The following EPAS1 variants were observed in gnomAD, a reference collection of about 807,000 sequenced individuals.
EPAS1 encodes the protein endothelial PAS domain protein 1.
EPAS1 carries 23 observed loss-of-function variants against 87.9 expected under a neutral mutation model. The ratio of observed to expected loss-of-function variants is 0.26; its 90% CI spans 0.19 to 0.37. EPAS1 has a LOEUF of 0.37. Among genes scored for constraint, EPAS1 ranks in the 10% least tolerant of loss-of-function variants. EPAS1 has a pLI of 1.00. For synonymous variants in EPAS1, 508 were observed against 444.3 expected (o/e 1.14, Z -1.80); for missense variants, 1,138 against 1,120.7 (o/e 1.02, Z -0.22).
rs57893491 is a variant in EPAS1 at position 46,332,291 on chromosome 2, CGTGTGTGTGTGTGT to C, written c.27-14553_27-14540del. Among the ~76,000 whole-genome samples, 513 of 110,814 alleles carry C rather than the reference CGTGTGTGTGTGTGT, an allele frequency of 4.6e-3. 3 individuals carry two copies. The highest frequency in any genetic ancestry group is 0.014 in the African/African-American group (453 of 33,292). 72.7% of individuals were successfully genotyped at this position (110,814 alleles called of 152,430 possible). A position where few individuals can be genotyped will look rare whatever the true frequency, so the allele number is the denominator to read the frequency against. On this transcript the variant is annotated intron_variant, in intron 1 of 15. Coordinates refer to ENST00000263734, the MANE Select transcript of EPAS1 (RefSeq NM_001430.5). ...TTTCACAGAAAAAAAAAAAAAAATA[CGTGTGTGTGTGTGT>C]GTGTGTGTGTGTGTGTGTGTGTGTG...
At chr2:46,308,911 G>A (rs1320625340) in intron 1 of EPAS1, among the ~76,000 whole-genome samples, 1 of 152,228 alleles carries the variant, frequency 6.6e-6, no homozygotes, top group Non-Finnish European at 1.5e-5. Flanking sequence ...ATGGTCTTCA[G>A]TCTGTATTTT....
intron 6 of EPAS1, among the ~76,000 whole-genome samples, chr2:46,362,996 G>A (rs1158792966): frequency 7.0e-6 from 1 of 142,922 alleles, no homozygotes; most frequent in Non-Finnish European, 1.5e-5. Flanking sequence ...GGTGGTGGTG[G>A]TGGTGGTGGT....
In EPAS1 at chr2:46,371,663, A is replaced by AG. The variant is rs1383081243; in HGVS notation, c.886+1734dup. ...ATTCCTTCATGCTTCCTGGTCCCTG[A>AG]GGGGTTCCTGTTTTCAAAGGCAGGT... On this transcript the variant is annotated intron_variant, in intron 7 of 15. Transcript: ENST00000263734. The surrounding 1 kb of genome is among the most constrained non-coding windows in gnomAD (Gnocchi z 4.3). 6.6e-6 allele frequency among the ~76,000 whole-genome samples: 1 copy of AG among 152,048 alleles called. No homozygotes were observed. The highest frequency in any genetic ancestry group is 1.9e-4 in the East Asian group (1 of 5,182).
Position 46,378,744 on chromosome 2 carries a change from G to A in EPAS1, c.1531G>A (p.Ala511Thr). The change falls in exon 11 of 16, where the codon GCC becomes ACC. Residue 511 changes from alanine to threonine, a missense_variant. Around this residue, in one of 4 missense-constraint regions of EPAS1, gnomAD observed 284 missense variants for 258.4 expected, o/e 1.10. Coordinates refer to ENST00000263734, the MANE Select transcript of EPAS1 (RefSeq NM_001430.5). ...GAAGCTCTTCGCCATGGACACAGAG[G>A]CCAAGGACCAATGCAGTACCCAGGT... ...IEKLFAMDTE[A>T]KDQCSTQTDF... The A allele has an allele frequency of 6.2e-7, 1 of 1,614,138 alleles. No individual in the cohort carries two copies. Among genetic ancestry groups the A allele is most frequent in the Non-Finnish European group, 8.5e-7 (1 of 1,179,982 alleles).
intron 7 of EPAS1, among the ~76,000 whole-genome samples, chr2:46,373,837 T>C (rs139855352): frequency 1.3e-5 from 2 of 152,362 alleles, no homozygotes; most frequent in African/African-American, 2.4e-5. Flanking sequence ...TAGGAATCTT[T>C]AATTTGAACT....
intron 6 of EPAS1, among the ~76,000 whole-genome samples, chr2:46,362,978 G>C (rs1463824326): frequency 1.6e-3 from 12 of 7,740 alleles, no homozygotes; most frequent in African/African-American, 3.1e-3. Flanking sequence ...GGTGGTGGTA[G>C]TGGTGGTGGT....
At chr2:46,355,044 G>A (rs775805426) in intron 2 of EPAS1, among the ~76,000 whole-genome samples, 7 of 151,452 alleles carry the variant, frequency 4.6e-5, no homozygotes, top group Non-Finnish European at 8.8e-5. Flanking sequence ...CGACCCCCTC[G>A]TCCTCTGACC....
Position 46,371,991 on chromosome 2 carries a change from T to A in EPAS1, c.886+2058T>A, listed in dbSNP as rs984522878. Among the ~76,000 whole-genome samples the A allele has an allele frequency of 6.6e-6, 1 of 152,208 alleles. No homozygotes were observed. Among genetic ancestry groups the A allele is most frequent in the African/African-American group, 2.4e-5 (1 of 41,452 alleles). ...CATATAGAAAGGATTTTCCCTCTTG[T>A]TCTTCTTAGAACATCTTCAATCCAT... On this transcript the variant is annotated intron_variant, in intron 7 of 15. Transcript: ENST00000263734. The surrounding 1 kb of genome is among the most constrained non-coding windows in gnomAD (Gnocchi z 4.3).
At chr2:46,344,615 A>G (rs936946732) in intron 1 of EPAS1, among the ~76,000 whole-genome samples, 5 of 151,988 alleles carry the variant, frequency 3.3e-5, no homozygotes, top group South Asian at 2.1e-4. Context: ...CGTGGGAGGG[A>G]CTAATATAAA....
chr2:46,347,121 A>C lies in EPAS1; in HGVS notation c.217+58A>C. On this transcript the variant is annotated intron_variant, in intron 2 of 15. Transcript: ENST00000263734. This position sits in a 1 kb window ranked among gnomAD's most constrained non-coding sequence, Gnocchi z 4.2. ...ATGCCAGCCTTACCAGCATGTTCCTATATGCAGGGGACCCTTCTGCTGCCA... is the reference window on the plus strand; with the variant it reads ...ATGCCAGCCTTACCAGCATGTTCCTCTATGCAGGGGACCCTTCTGCTGCCA... 1.3e-6 allele frequency: 2 copies of C among 1,599,634 alleles called. No individual in the cohort carries two copies. Among genetic ancestry groups the C allele is most frequent in the South Asian group, 2.2e-5 (2 of 90,808 alleles).
chr2:46,350,073 T>C (rs6544887), intron 2 of EPAS1, among the ~76,000 whole-genome samples: 89,641 of 152,140 alleles, frequency 0.59, 27,594 homozygotes, highest in East Asian at 0.87. Flanking sequence ...CAATAAGTTA[T>C]AGCTTAGAAA....
Position 46,380,717 on chromosome 2 carries a change from G to A in EPAS1, c.2045G>A (p.Arg682Lys). 2 of 1,610,276 alleles carry A rather than the reference G, an allele frequency of 1.2e-6. No individual in the cohort carries two copies. Among genetic ancestry groups the A allele is most frequent in the Non-Finnish European group, 1.7e-6 (2 of 1,179,992 alleles). ...CCCCATGTCTCCACCTTCAAGACAAGGTAAGTGGCAGATACTCAGCTGTAC... is the reference window on the plus strand; with the variant it reads ...CCCCATGTCTCCACCTTCAAGACAAAGTAAGTGGCAGATACTCAGCTGTAC... ...SPPHVSTFKT[R>K]SAKGFGARGP... Residue 682 changes from arginine (R) to lysine (K), a missense_variant and splice_region_variant, in exon 12 of 16, where the codon AGG becomes AAG. Physicochemically the swap from Arg to Lys is conservative, Grantham distance 26 (BLOSUM62 2). Around this residue, in one of 4 missense-constraint regions of EPAS1, gnomAD observed 502 missense variants for 427.1 expected, o/e 1.18. Coordinates refer to ENST00000263734, the MANE Select transcript of EPAS1 (RefSeq NM_001430.5). The surrounding 1 kb of genome is among the most constrained non-coding windows in gnomAD (Gnocchi z 4.4).
rs1481985078 is a variant in EPAS1, at chr2:46,386,524, A to AAAAC, written c.*1866_*1869dup. 6.6e-6 allele frequency: 1 copy of AAAAC among 152,646 alleles called. No homozygotes were observed. Among genetic ancestry groups the AAAAC allele is most frequent in the Non-Finnish European group, 1.5e-5 (1 of 68,048 alleles). 9.5% of individuals were successfully genotyped at this position (152,646 alleles called of 1,614,324 possible). On this transcript the variant is annotated 3_prime_UTR_variant, in exon 16 of 16. Transcript: ENST00000263734. ...GGCATTTTACCCTTGCAGTTTTACT[A>AAAAC]AAACACTGAAAAATATTCCAAGCTT...
At chr2:46,370,636 G>A (rs537753446) in intron 7 of EPAS1, among the ~76,000 whole-genome samples, 1 of 152,296 alleles carries the variant, frequency 6.6e-6, no homozygotes, top group Non-Finnish European at 1.5e-5. Context: ...TTTCTGCAGT[G>A]GAAATGTTCT....
At chr2:46,322,735 G>A (rs1683475946) in intron 1 of EPAS1, among the ~76,000 whole-genome samples, 1 of 152,190 alleles carries the variant, frequency 6.6e-6, no homozygotes, top group African/African-American at 2.4e-5. Flanking sequence ...TTGAAGCTGA[G>A]AGGCCTCACT....
chr2:46,356,113 A>G (rs1354311036), intron 2 of EPAS1, 38 bp from the exon 3 acceptor site: 2 of 1,463,660 alleles, frequency 1.4e-6, no homozygotes, highest in South Asian at 2.3e-5. Context: ...TTTTCACTCC[A>G]CATTCATGCA....
intron 4 of EPAS1, among the ~76,000 whole-genome samples, chr2:46,357,162 A>T (rs1684285946): frequency 6.6e-6 from 1 of 152,206 alleles, no homozygotes; most frequent in African/African-American, 2.4e-5. Context: ...GCTCATAGTA[A>T]CTACTGTAGT....
At chr2:46,316,719 G>A (rs1347103650) in intron 1 of EPAS1, among the ~76,000 whole-genome samples, 2 of 152,124 alleles carry the variant, frequency 1.3e-5, no homozygotes, top group Non-Finnish European at 2.9e-5. Flanking sequence ...CTGAAGGTTG[G>A]GGTGGCTGTG....
At chr2:46,350,902 C>T (rs1490989095) in intron 2 of EPAS1, among the ~76,000 whole-genome samples, 1 of 152,310 alleles carries the variant, frequency 6.6e-6, no homozygotes, top group Non-Finnish European at 1.5e-5. Flanking sequence ...TTTTCCTGAT[C>T]TCTAGACTAC....
Sources: allele counts gnomAD v4.1 joint callset (sites outside exome capture counted in the v4.1 genomes callset), GRCh38; gene constraint gnomAD v4.1.1; regional missense constraint gnomAD v4.1.1; non-coding constraint Gnocchi (gnomAD v3.1); transcripts MANE v1.5; gene names NCBI Gene and HGNC (gene_info 2026-07-23, HGNC 2026-07-21).